The following ADGRL2 variants were observed in gnomAD, a reference collection of about 807,000 sequenced individuals.
ADGRL2 encodes adhesion G protein-coupled receptor L2.
ADGRL2 carries 44 observed loss-of-function variants against 157.4 expected under a neutral mutation model. The observed-to-expected ratio is 0.28, with a 90% CI of 0.22 to 0.36. ADGRL2 has a LOEUF of 0.36. Ranked by LOEUF, ADGRL2 falls within the 10% of genes least tolerant of loss-of-function variation. The pLI is 1.00. For synonymous variants in ADGRL2, 585 were observed against 624.7 expected (o/e 0.94, Z 0.95); for missense variants, 1,510 against 1,768.9 (o/e 0.85, Z 2.63).
intron 3 of ADGRL2, among the ~76,000 whole-genome samples, chr1:81,663,096 G>A (rs940206626): frequency 3.0e-5 from 2 of 67,086 alleles, no homozygotes; most frequent in East Asian, 8.8e-4. Context: ...TCCCACCACT[G>A]TAAGGAGCAC....
At chr1:81,531,546 T>A (rs1022935023) in intron 2 of ADGRL2, among the ~76,000 whole-genome samples, 1 of 152,192 alleles carries the variant, frequency 6.6e-6, no homozygotes, top group African/African-American at 2.4e-5. Flanking sequence ...CAAACTCTCA[T>A]AATCCTCAAG....
chr1:81,330,096 CATATGCT>C (rs1404833817), intron 1 of ADGRL2, among the ~76,000 whole-genome samples: 1 of 151,986 alleles, frequency 6.6e-6, no homozygotes, highest in African/African-American at 2.4e-5. Flanking sequence ...TGGTATTTGC[CATATGCT>C]AATAAACTAG....
intron 3 of ADGRL2, among the ~76,000 whole-genome samples, chr1:81,640,673 T>TAAATA (rs1205695549): frequency 5.1e-5 from 5 of 98,874 alleles, no homozygotes; most frequent in Non-Finnish European, 2.2e-5. Context: ...ATAAATAAAT[T>TAAATA]ACAGAAGCCA....
chr1:81,394,924 A>G (rs2076628283), intron 1 of ADGRL2, among the ~76,000 whole-genome samples: 1 of 149,190 alleles, frequency 6.7e-6, no homozygotes, highest in South Asian at 2.1e-4. Context: ...TATTTAGACG[A>G]GTCTTGCTCT....
intron 1 of ADGRL2, among the ~76,000 whole-genome samples, chr1:81,710,352 T>C (rs947860409): frequency 5.3e-5 from 8 of 152,080 alleles, no homozygotes; most frequent in Non-Finnish European, 1.2e-4. Flanking sequence ...TTGTGAGGCA[T>C]GGTGGCTCAT....
At chr1:81,399,269 A>C (rs1323537919) in intron 1 of ADGRL2, among the ~76,000 whole-genome samples, 1 of 152,214 alleles carries the variant, frequency 6.6e-6, no homozygotes, top group African/African-American at 2.4e-5. Flanking sequence ...TCTGCCTCCA[A>C]TTCAACATGA....
chr1:81,484,893 G>A (rs977533631), intron 2 of ADGRL2, among the ~76,000 whole-genome samples: 3 of 152,110 alleles, frequency 2.0e-5, no homozygotes, highest in Non-Finnish European at 4.4e-5. Context: ...ATAAGCAAAT[G>A]AGAGATTCTA....
chr1:81,382,751 A>G (rs529335214), intron 1 of ADGRL2, among the ~76,000 whole-genome samples: 1 of 152,344 alleles, frequency 6.6e-6, no homozygotes, highest in Non-Finnish European at 1.5e-5. Flanking sequence ...AATTGGTCTT[A>G]TCTTCAGATC....
intron 4 of ADGRL2, among the ~76,000 whole-genome samples, chr1:81,939,855 G>A (rs1483432465): frequency 1.3e-5 from 2 of 150,976 alleles, no homozygotes; most frequent in Non-Finnish European, 3.0e-5. Flanking sequence ...AATAACGTAG[G>A]GACTTTTTTG....
At chr1:81,726,912 C>A (rs1418035391) in intron 1 of ADGRL2, among the ~76,000 whole-genome samples, 1 of 152,144 alleles carries the variant, frequency 6.6e-6, no homozygotes, top group Non-Finnish European at 1.5e-5. Context: ...CTTTTATGTA[C>A]ACTGTGTCTT....
chr1:81,663,563 C>T (rs1488383514), intron 3 of ADGRL2, among the ~76,000 whole-genome samples: 10 of 152,182 alleles, frequency 6.6e-5, no homozygotes, highest in African/African-American at 2.2e-4. Context: ...GTTTTCCTTG[C>T]CCCTTACAGT....
intron 2 of ADGRL2, among the ~76,000 whole-genome samples, chr1:81,849,812 T>G (rs2092932875): frequency 1.3e-5 from 2 of 151,948 alleles, no homozygotes; most frequent in Admixed American, 6.6e-5. Flanking sequence ...GTTTATTTGC[T>G]TTATAATCTT....
chr1:81,849,596 C>T (rs2092925538), intron 2 of ADGRL2, among the ~76,000 whole-genome samples: 1 of 151,838 alleles, frequency 6.6e-6, no homozygotes, highest in African/African-American at 2.4e-5. Flanking sequence ...TGGCAAGGTC[C>T]AAACAAATGG....
chr1:81,955,728 A>G, intron 10 of ADGRL2, 149 bp from the exon 11 acceptor site: 1 of 492,640 alleles, frequency 2.0e-6, no homozygotes, highest in East Asian at 3.3e-5. Flanking sequence ...AAAATGGACC[A>G]GATATATGTT....
At chr1:81,680,937 T>A (rs1351044470) in intron 3 of ADGRL2, among the ~76,000 whole-genome samples, 1 of 152,142 alleles carries the variant, frequency 6.6e-6, no homozygotes, top group African/African-American at 2.4e-5. Flanking sequence ...CATCCCCCAA[T>A]GGCAGCTTCT....
rs2082203990 is a variant in ADGRL2, at chr1:81,640,722, C to A, written c.-143+59742C>A. Among the ~76,000 whole-genome samples, 2 of 151,998 alleles carry A rather than the reference C, an allele frequency of 1.3e-5. 1 individual carries two copies. Among genetic ancestry groups the A allele is most frequent in the Non-Finnish European group, 2.9e-5 (2 of 68,026 alleles). On this transcript the variant is annotated intron_variant, in intron 3 of 24. Coordinates refer to the ADGRL2 transcript ENST00000370721. ...AGCTCCTATACTAGACCCCAACAGA[C>A]CAGGCTAAAAATCAAAATGAAGTCA...
chr1:81,645,786 A>G (rs1488898670), intron 3 of ADGRL2, among the ~76,000 whole-genome samples: 1 of 152,122 alleles, frequency 6.6e-6, no homozygotes, highest in East Asian at 1.9e-4. Flanking sequence ...TTTCTTTTCC[A>G]TATTTCCCCC....
At chr1:81,799,735 C>T (rs188518663), upstream of ADGRL2, among the ~76,000 whole-genome samples, 14 of 152,128 alleles carry the variant, frequency 9.2e-5, no homozygotes, top group Admixed American at 7.2e-4. Flanking sequence ...TAAGTTTTAT[C>T]CTACTTTCTA....
At chr1:81,496,526 A>C (rs1439312363) in intron 2 of ADGRL2, among the ~76,000 whole-genome samples, 1 of 152,192 alleles carries the variant, frequency 6.6e-6, no homozygotes, top group African/African-American at 2.4e-5. Flanking sequence ...AAAAAGCTGC[A>C]GAGCTCTCCT....
Sources: gnomAD v4.1 joint callset for allele counts (sites outside exome capture counted in the v4.1 genomes callset) on GRCh38, gnomAD v4.1.1 for gene constraint, MANE v1.5 for transcripts, NCBI Gene and HGNC (gene_info 2026-07-23, HGNC 2026-07-21) for gene names.